Variants in LINGO2 observed in about 807,000 individuals in gnomAD.
LINGO2 encodes the protein leucine-rich repeat and immunoglobulin-like domain-containing nogo receptor-interacting protein 2.
LINGO2 carries 14 observed loss-of-function variants against 30.6 expected under a neutral mutation model. The observed-to-expected ratio is 0.46, with a 90% confidence interval of 0.30 to 0.72. The LOEUF (loss-of-function observed/expected upper bound fraction) is 0.72, where lower values mean the gene tolerates loss of function less well. LINGO2 is among the 30% of genes least tolerant of loss of function. LINGO2 has a pLI of 0.07. For synonymous variants in LINGO2, 317 were observed against 288.5 expected (o/e 1.10, Z -1.00); for missense variants, 729 against 751.7 (o/e 0.97, Z 0.35).
chr9:28,123,795 CT>C (rs769965524), intron 4 of LINGO2, among the ~76,000 whole-genome samples: 3 of 152,024 alleles, frequency 2.0e-5, no homozygotes, highest in East Asian at 3.9e-4. Flanking sequence ...TCCTGAGTAG[CT>C]GGGACTACAG....
At chr9:28,649,043 C>A (rs1291458289) in intron 1 of LINGO2, among the ~76,000 whole-genome samples, 1 of 152,092 alleles carries the variant, frequency 6.6e-6, no homozygotes, top group Non-Finnish European at 1.5e-5. Flanking sequence ...ATAAGTGTGT[C>A]CTATTTCAAC....
chr9:27,982,564 C>A (rs979531054), intron 5 of LINGO2, among the ~76,000 whole-genome samples: 2 of 151,806 alleles, frequency 1.3e-5, no homozygotes, highest in African/African-American at 4.8e-5. Flanking sequence ...ACATCCTCAT[C>A]CCTTTTTGTG....
intron 4 of LINGO2, among the ~76,000 whole-genome samples, chr9:28,101,052 T>C (rs1175602926): frequency 2.0e-5 from 3 of 152,064 alleles, no homozygotes; most frequent in South Asian, 2.1e-4. Flanking sequence ...ATTTTTTTTT[T>C]CAATTTTAGG....
At chr9:28,312,961 A>C (rs1391408809) in intron 3 of LINGO2, among the ~76,000 whole-genome samples, 1 of 152,178 alleles carries the variant, frequency 6.6e-6, no homozygotes, top group East Asian at 1.9e-4. Context: ...AACCCACAAA[A>C]TACAAAGGAT....
chr9:29,129,445 T>C, the LINGO2 span, among the ~76,000 whole-genome samples: 1 of 152,110 alleles, frequency 6.6e-6, no homozygotes, highest in Non-Finnish European at 1.5e-5. Flanking sequence ...TCATTTCCCT[T>C]AAGAAAGCGT....
chr9:28,780,684 A>G, the LINGO2 span, among the ~76,000 whole-genome samples: 30 of 152,134 alleles, frequency 2.0e-4, no homozygotes, highest in Non-Finnish European at 3.4e-4. Context: ...TTTTAAGGGA[A>G]TTAGATAAAC....
At chr9:28,781,751 T>C in the LINGO2 span, among the ~76,000 whole-genome samples, 1 of 152,058 alleles carries the variant, frequency 6.6e-6, no homozygotes, top group Non-Finnish European at 1.5e-5. Context: ...TTCAGAGAAA[T>C]TATCAATAAA....
At chr9:28,824,356 G>C in the LINGO2 span, among the ~76,000 whole-genome samples, 2 of 152,114 alleles carry the variant, frequency 1.3e-5, no homozygotes, top group African/African-American at 4.8e-5. Flanking sequence ...CCAATTAGTA[G>C]GCACATGATT....
the LINGO2 span, among the ~76,000 whole-genome samples, chr9:28,970,210 G>T: frequency 6.6e-6 from 1 of 152,088 alleles, no homozygotes; most frequent in African/African-American, 2.4e-5. Flanking sequence ...GAAAAGAAGT[G>T]GCTGATGAGA....
the LINGO2 span, among the ~76,000 whole-genome samples, chr9:29,047,882 A>G: frequency 7.9e-5 from 12 of 151,614 alleles, no homozygotes; most frequent in African/African-American, 2.9e-4. Flanking sequence ...AGATGGATCA[A>G]TTGAGGCCAA....
At chr9:28,914,839 G>A in the LINGO2 span, among the ~76,000 whole-genome samples, 1 of 152,106 alleles carries the variant, frequency 6.6e-6, no homozygotes, top group South Asian at 2.1e-4. Context: ...ATGTTTTAAA[G>A]ATAGTCACAA....
At chr9:28,184,038 T>C (rs1438695531) in intron 4 of LINGO2, among the ~76,000 whole-genome samples, 2 of 152,186 alleles carry the variant, frequency 1.3e-5, no homozygotes, top group African/African-American at 4.8e-5. Context: ...TCTTCTGCAA[T>C]TGGTTCATTG....
intron 1 of LINGO2, among the ~76,000 whole-genome samples, chr9:28,528,145 C>A (rs1373787740): frequency 2.0e-5 from 3 of 152,154 alleles, no homozygotes; most frequent in Admixed American, 2.0e-4. Flanking sequence ...TCCTACTTAA[C>A]TCAGGATAAG....
chr9:27,992,824 C>T (rs1001047452), intron 5 of LINGO2, among the ~76,000 whole-genome samples: 1 of 151,996 alleles, frequency 6.6e-6, no homozygotes, highest in Non-Finnish European at 1.5e-5. Flanking sequence ...TTGTGTGAAG[C>T]GTCACTTATA....
At chr9:28,872,513 A>C in the LINGO2 span, among the ~76,000 whole-genome samples, 1 of 152,138 alleles carries the variant, frequency 6.6e-6, no homozygotes, top group Non-Finnish European at 1.5e-5. Context: ...AATTCTTGAC[A>C]GTGTTCACTC....
the LINGO2 span, among the ~76,000 whole-genome samples, chr9:28,803,719 A>G: frequency 1.3e-5 from 2 of 151,942 alleles, no homozygotes; most frequent in African/African-American, 4.8e-5. Flanking sequence ...GCATTTCCCT[A>G]TAATAGCCAT....
At chr9:28,142,035 A>C (rs939617047) in intron 4 of LINGO2, among the ~76,000 whole-genome samples, 1 of 152,202 alleles carries the variant, frequency 6.6e-6, no homozygotes, top group Admixed American at 6.5e-5. Context: ...CATGTGACCA[A>C]GTAGAATTTC....
intron 4 of LINGO2, among the ~76,000 whole-genome samples, chr9:28,232,291 C>T (rs1251618933): frequency 5.3e-5 from 8 of 151,672 alleles, no homozygotes; most frequent in Non-Finnish European, 8.8e-5. Context: ...TTCAGCTACT[C>T]GAGAAGCTGA....
intron 2 of LINGO2, among the ~76,000 whole-genome samples, chr9:28,400,128 T>C (rs931803222): frequency 1.3e-5 from 2 of 152,154 alleles, no homozygotes; most frequent in Admixed American, 6.5e-5. Context: ...AGTGACTCTA[T>C]TGTGACCCTT....
Sources: allele counts gnomAD v4.1 joint callset (sites outside exome capture counted in the v4.1 genomes callset), GRCh38; gene constraint gnomAD v4.1.1; transcripts MANE v1.5; gene names NCBI Gene and HGNC (gene_info 2026-07-23, HGNC 2026-07-21).